Variants in NOX4 observed in about 807,000 individuals in gnomAD.
NOX4 encodes kidney oxidase-1.
NOX4 carries 69 observed loss-of-function variants against 87.6 expected under a neutral mutation model. The observed-to-expected ratio is 0.79, with a 90% confidence interval of 0.65 to 0.96. NOX4 has a LOEUF of 0.96. Ranked by LOEUF, NOX4 falls within the 40% of genes least tolerant of loss-of-function variation. The pLI, the probability that NOX4 is intolerant of heterozygous loss-of-function variation, is 0.00. For synonymous variants in NOX4, 275 were observed against 238.2 expected (o/e 1.15, Z -1.42); for missense variants, 680 against 681.5 (o/e 1.00, Z 0.02).
intron 7 of NOX4, among the ~76,000 whole-genome samples, chr11:89,427,386 G>A (rs1189152530): frequency 2.6e-5 from 4 of 152,160 alleles, no homozygotes; most frequent in African/African-American, 9.7e-5. Flanking sequence ...TGATTTTGAC[G>A]AGTTGAGAGA....
chr11:89,426,364 A>G (rs1943408621), intron 7 of NOX4, among the ~76,000 whole-genome samples: 1 of 152,030 alleles, frequency 6.6e-6, no homozygotes, highest in South Asian at 2.1e-4. Flanking sequence ...AGGGCTTGTC[A>G]GACAGTGGGT....
chr11:89,411,628 G>A (rs1030385768), intron 8 of NOX4, among the ~76,000 whole-genome samples: 1 of 151,986 alleles, frequency 6.6e-6, no homozygotes, highest in Admixed American at 6.6e-5. Context: ...TTGGTTGCAA[G>A]CCTCATTGTA....
At chr11:89,414,615 T>A (rs200538333) in intron 8 of NOX4, among the ~76,000 whole-genome samples, 36,564 of 113,018 alleles carry the variant, frequency 0.32, 7,556 homozygotes, top group East Asian at 0.49. Flanking sequence ...TATCACATTT[T>A]TTTTATTTTA....
At chr11:89,460,198 C>CA (rs989468219) in intron 2 of NOX4, among the ~76,000 whole-genome samples, 9 of 152,098 alleles carry the variant, frequency 5.9e-5, no homozygotes, top group East Asian at 5.8e-4. Context: ...GACCTAAAAT[C>CA]AAAAAAACCC....
chr11:89,431,613 C>A (rs551592129), intron 7 of NOX4, among the ~76,000 whole-genome samples: 1 of 152,178 alleles, frequency 6.6e-6, no homozygotes, highest in Admixed American at 6.5e-5. Flanking sequence ...CTCATCATCA[C>A]TGGCCATCAG....
chr11:89,465,088 C>G (rs1055176216), intron 2 of NOX4, among the ~76,000 whole-genome samples: 1 of 152,118 alleles, frequency 6.6e-6, no homozygotes, highest in Admixed American at 6.6e-5. Context: ...TTGCTGCACC[C>G]ATGAACCCAT....
At chr11:89,555,710 T>A in the NOX4 span, among the ~76,000 whole-genome samples, 1 of 152,242 alleles carries the variant, frequency 6.6e-6, no homozygotes, top group African/African-American at 2.4e-5. Context: ...GGACACCATT[T>A]GAAACTCCTA....
At chr11:89,564,153 C>T in the NOX4 span, among the ~76,000 whole-genome samples, 52 of 152,226 alleles carry the variant, frequency 3.4e-4, no homozygotes, top group African/African-American at 1.1e-3. Flanking sequence ...CCTTAAATTG[C>T]AAATCCTGAA....
chr11:89,524,118 A>G, the NOX4 span, among the ~76,000 whole-genome samples: 1 of 152,170 alleles, frequency 6.6e-6, no homozygotes, highest in Non-Finnish European at 1.5e-5. Context: ...TCTAATGCAC[A>G]CTTTAAGTAG....
chr11:89,442,762 C>A (rs1565299346), intron 5 of NOX4, among the ~76,000 whole-genome samples: 1 of 151,762 alleles, frequency 6.6e-6, no homozygotes, highest in Non-Finnish European at 1.5e-5. Flanking sequence ...AATTTAATAA[C>A]TGAAAATTTT....
chr11:89,437,364 C>T (rs1047947459), intron 6 of NOX4, among the ~76,000 whole-genome samples: 2 of 152,024 alleles, frequency 1.3e-5, no homozygotes, highest in African/African-American at 2.4e-5. Flanking sequence ...GGATTCAGTT[C>T]ATTGATAGAA....
the NOX4 span, among the ~76,000 whole-genome samples, chr11:89,588,397 G>A: frequency 6.6e-6 from 1 of 152,072 alleles, no homozygotes; most frequent in African/African-American, 2.4e-5. Context: ...CAGAAATCAT[G>A]CACTTTAGAC....
chr11:89,407,748 G>A (rs1203288746), intron 8 of NOX4, among the ~76,000 whole-genome samples: 5 of 151,904 alleles, frequency 3.3e-5, no homozygotes, highest in African/African-American at 1.2e-4. Context: ...GTAATAACAG[G>A]ATTTTATGGT....
chr11:89,495,183 C>T (rs1179626555), upstream of NOX4, among the ~76,000 whole-genome samples: 3 of 152,078 alleles, frequency 2.0e-5, no homozygotes, highest in African/African-American at 7.2e-5. Flanking sequence ...TGCCATTTTG[C>T]CCAGGCTGGT....
At chr11:89,571,201 C>T in the NOX4 span, among the ~76,000 whole-genome samples, 1 of 152,146 alleles carries the variant, frequency 6.6e-6, no homozygotes, top group African/African-American at 2.4e-5. Context: ...TGGATATTTT[C>T]CCACTTTATT....
At chr11:89,381,789 C>A (rs533754849) in intron 11 of NOX4, among the ~76,000 whole-genome samples, 1 of 152,292 alleles carries the variant, frequency 6.6e-6, no homozygotes, top group African/African-American at 2.4e-5. Flanking sequence ...GACCAACCAG[C>A]CCAAGGAACA....
chr11:89,524,924 T>G, the NOX4 span, among the ~76,000 whole-genome samples: 35 of 152,100 alleles, frequency 2.3e-4, 1 homozygote, highest in Admixed American at 1.6e-3. Context: ...TAGTTTCCAT[T>G]TTCTGCATTT....
chr11:89,474,384 A>G (rs547883699), intron 2 of NOX4, among the ~76,000 whole-genome samples: 15 of 151,748 alleles, frequency 9.9e-5, no homozygotes, highest in Non-Finnish European at 1.9e-4. Context: ...AAGTAAAATG[A>G]CATACAGAAA....
the NOX4 span, among the ~76,000 whole-genome samples, chr11:89,508,269 C>T: frequency 6.6e-6 from 1 of 152,076 alleles, no homozygotes; most frequent in Non-Finnish European, 1.5e-5. Context: ...GATGTCTGTA[C>T]TACAGGTGTG....
Sources: gnomAD v4.1 joint callset for allele counts (sites outside exome capture counted in the v4.1 genomes callset) on GRCh38, gnomAD v4.1.1 for gene constraint, MANE v1.5 for transcripts, NCBI Gene and HGNC (gene_info 2026-07-23, HGNC 2026-07-21) for gene names.